The following MFAP2 variants were observed in gnomAD, a reference collection of about 807,000 sequenced individuals.
MFAP2 encodes the protein microfibrillar-associated protein 2.
Under a neutral mutation model 30.6 loss-of-function variants are expected in MFAP2, and 23 were observed. The ratio of observed to expected loss-of-function variants is 0.75; its 90% CI spans 0.54 to 1.07. The LOEUF (loss-of-function observed/expected upper bound fraction) is 1.07, where lower values mean the gene tolerates loss of function less well. Among genes scored for constraint, MFAP2 ranks in the 50% least tolerant of loss-of-function variants. MFAP2 has a pLI of 0.00. For synonymous variants in MFAP2, 73 were observed against 85.7 expected (o/e 0.85, Z 0.82); for missense variants, 198 against 223.8 (o/e 0.88, Z 0.74).
intron 1 of MFAP2, 55 bp downstream of exon 1, chr1:16,980,512 TCGCCCCCGCGCCGGGGGACC>T (rs2076629787): frequency 6.6e-6 from 1 of 151,642 alleles, no homozygotes. Flanking sequence ...CCTGGCACCC[TCGCCCCCGCGCCGGGGGACC>T]CGCCGACGCC....
In MFAP2 at chr1:16,976,282, G is replaced by A; in HGVS notation, c.286+219C>T. 2 of 621,402 alleles carry A rather than the reference G, an allele frequency of 3.2e-6. No individual in the cohort carries two copies. Among genetic ancestry groups the A allele is most frequent in the East Asian group, 2.7e-5 (1 of 36,446 alleles). The allele number at this position is 621,402 out of a possible 1,614,324, so 38.5% of individuals were successfully genotyped here. ...GTGAGGTCAGGGGCCTTCCTAGGCT[G>A]CCAATTTAGCCTCCAGCCAGGCACA... On this transcript the variant is annotated intron_variant, in intron 6 of 8. Transcript: ENST00000375535. This position sits in a 1 kb window ranked among gnomAD's most constrained non-coding sequence, Gnocchi z 5.5.
At chr1:16,978,423 G>A (rs1327749774) in intron 1 of MFAP2, 109 bp from the exon 2 acceptor site, 2 of 898,092 alleles carry the variant, frequency 2.2e-6, no homozygotes, top group African/African-American at 3.4e-5. Context: ...CAGAATAGAA[G>A]CCAGGCATGG....
intron 2 of MFAP2, 28 bp downstream of exon 2, chr1:16,978,209 G>GC (rs1237322547): frequency 6.4e-7 from 1 of 1,559,618 alleles, no homozygotes; most frequent in East Asian, 2.3e-5. Flanking sequence ...CATAAGAGGA[G>GC]CTACCCCCTG....
chr1:16,980,773 G>GC (rs1342497443), upstream of MFAP2: 2 of 152,152 alleles, frequency 1.3e-5, no homozygotes, highest in Admixed American at 6.6e-5. Flanking sequence ...ATCTCCTGGG[G>GC]GGGGGGGTGT....
rs1025611395 is a variant in MFAP2, at chr1:16,975,351, A to G, written c.375-9T>C. The G allele has an allele frequency of 1.9e-6, 3 of 1,613,194 alleles. No individual in the cohort carries two copies. The highest frequency in any genetic ancestry group is 2.5e-6 in the Non-Finnish European group (3 of 1,179,562). On this transcript the variant is annotated splice_polypyrimidine_tract_variant and intron_variant, in intron 7 of 8. Coordinates refer to ENST00000375535, the MANE Select transcript of MFAP2 (RefSeq NM_002403.4). The surrounding 1 kb of genome is among the most constrained non-coding windows in gnomAD (Gnocchi z 5.0). ...CGTACACACGGCGGAGGCTGCGGGGACAGGGCACGGGAGGTCTCAGCCCCA... is the reference window on the plus strand; with the variant it reads ...CGTACACACGGCGGAGGCTGCGGGGGCAGGGCACGGGAGGTCTCAGCCCCA...
chr1:16,979,298 G>A (rs1286765147), intron 1 of MFAP2, among the ~76,000 whole-genome samples: 7 of 152,204 alleles, frequency 4.6e-5, no homozygotes, highest in Admixed American at 4.6e-4. Context: ...CTGTAGGGAG[G>A]GCTGCGAGGG....
chr1:16,977,889 G>C (rs991947091), intron 2 of MFAP2: 6 of 292,180 alleles, frequency 2.1e-5, no homozygotes, highest in African/African-American at 1.3e-4. Context: ...AATGGATCTA[G>C]AACTCAAGCA....
In MFAP2 at chr1:16,975,567, G is replaced by C; in HGVS notation, c.374+76C>G. 3 of 1,471,388 alleles carry C rather than the reference G, an allele frequency of 2.0e-6. No homozygotes were observed. In the South Asian group the frequency reaches 3.5e-5, roughly 17 times the overall value. The allele number at this position is 1,471,388 out of a possible 1,614,324, so 91.1% of individuals were successfully genotyped here. ...TCTTTCCTCCAACTCCCACCTTGGC[G>C]GGCCAGAGCTGTCCCCTGTGCCCTC... On this transcript the variant is annotated intron_variant, in intron 7 of 8. Transcript: ENST00000375535. The surrounding 1 kb of genome is among the most constrained non-coding windows in gnomAD (Gnocchi z 5.0).
intron 1 of MFAP2, among the ~76,000 whole-genome samples, chr1:16,979,789 G>A (rs557669799): frequency 6.6e-6 from 1 of 152,330 alleles, no homozygotes; most frequent in East Asian, 1.9e-4. Context: ...TCCTCCCCTA[G>A]GACTGGCCCC....
chr1:16,974,844 A>G lies in MFAP2; in HGVS notation c.*76T>C. 1 of 560,544 alleles carries G rather than the reference A, an allele frequency of 1.8e-6. No homozygotes were observed. The highest frequency in any genetic ancestry group is 2.9e-5 in the East Asian group (1 of 34,792). 34.7% of individuals were successfully genotyped at this position (560,544 alleles called of 1,614,324 possible). A position where few individuals can be genotyped will look rare whatever the true frequency, so the allele number is the denominator to read the frequency against. Reference sequence around the variant, plus strand: ...GAATAAAAGGAACATGGGGATGGGGAAAAAAGCACCAGGTCAGGCAGGGCC... The same window carrying G: ...GAATAAAAGGAACATGGGGATGGGGGAAAAAGCACCAGGTCAGGCAGGGCC... On this transcript the variant is annotated 3_prime_UTR_variant, in exon 9 of 9. Transcript: ENST00000375535.
intron 2 of MFAP2, 95 bp from the exon 3 acceptor site, chr1:16,977,293 GGCCCATAAGA>G: frequency 8.4e-7 from 1 of 1,186,656 alleles, no homozygotes; most frequent in Non-Finnish European, 1.2e-6. Flanking sequence ...CACAAGGTCA[GGCCCATAAGA>G]GCCTAGGACC....
chr1:16,981,202 C>T (rs1292952855), upstream of MFAP2, among the ~76,000 whole-genome samples: 2 of 152,138 alleles, frequency 1.3e-5, no homozygotes, highest in Non-Finnish European at 2.9e-5. Flanking sequence ...CTTCCGGCCT[C>T]GAAATTTTGG....
intron 1 of MFAP2, among the ~76,000 whole-genome samples, chr1:16,979,328 C>T (rs1422995364): frequency 6.6e-6 from 1 of 152,180 alleles, no homozygotes; most frequent in Non-Finnish European, 1.5e-5. Flanking sequence ...TCCAGGAGGG[C>T]CCCTCCCGGC....
Position 16,975,430 on chromosome 1 carries a change from GACAGAACCTGGCACGGGA to G in MFAP2, c.375-106_375-89del, listed in dbSNP as rs1370847441. 11 of 1,335,888 alleles carry G rather than the reference GACAGAACCTGGCACGGGA, an allele frequency of 8.2e-6. No individual in the cohort carries two copies. The African/African-American group carries it at 2.1e-4, about 26-fold the overall frequency. 82.8% of individuals were successfully genotyped at this position (1,335,888 alleles called of 1,614,324 possible). A position where few individuals can be genotyped will look rare whatever the true frequency, so the allele number is the denominator to read the frequency against. ...AGACAGAACCTGGCACGGGAGCCCG[GACAGAACCTGGCACGGGA>G]GCCCGGACAGAACCTGGCACTGGAG... On this transcript the variant is annotated intron_variant, in intron 7 of 8. Coordinates refer to ENST00000375535, the MANE Select transcript of MFAP2 (RefSeq NM_002403.4). The surrounding 1 kb of genome is among the most constrained non-coding windows in gnomAD (Gnocchi z 5.0).
rs2076591751 is a variant in MFAP2 at position 16,976,410 on chromosome 1, C to T, written c.286+91G>A. On this transcript the variant is annotated intron_variant, in intron 6 of 8. Coordinates refer to ENST00000375535, the MANE Select transcript of MFAP2 (RefSeq NM_002403.4). This position sits in a 1 kb window ranked among gnomAD's most constrained non-coding sequence, Gnocchi z 5.5. Reference sequence around the variant, plus strand: ...TGCCAAGAGCCCACATGGGCAAGGGCCAAAGACCTCCAGCCCACCAGCACC... The same window carrying T: ...TGCCAAGAGCCCACATGGGCAAGGGTCAAAGACCTCCAGCCCACCAGCACC... 1 of 1,543,040 alleles carries T rather than the reference C, an allele frequency of 6.5e-7. No individual in the cohort carries two copies. The highest frequency in any genetic ancestry group is 2.2e-5 in the East Asian group (1 of 44,568).
In MFAP2 at chr1:16,976,931, C is replaced by G. The variant is rs1427810160; in HGVS notation, c.128-8G>C. 6.2e-7 allele frequency: 1 copy of G among 1,613,962 alleles called. No individual in the cohort carries two copies. Among genetic ancestry groups the G allele is most frequent in the African/African-American group, 1.3e-5 (1 of 74,886 alleles). ...CATAGTAGTCTGGGTTGTCTGCAAA[C>G]AAAGATGAAAGTGGAATTGGTGGGA... On this transcript the variant is annotated splice_polypyrimidine_tract_variant and splice_region_variant and intron_variant, in intron 3 of 8. Transcript: ENST00000375535. The surrounding 1 kb of genome is among the most constrained non-coding windows in gnomAD (Gnocchi z 5.5).
At position 16,975,802 on chromosome 1, in the gene MFAP2, G is replaced by A; in HGVS notation, c.287-72C>T. 1 of 1,343,740 alleles carries A rather than the reference G, an allele frequency of 7.4e-7. No individual in the cohort carries two copies. Among genetic ancestry groups the A allele is most frequent in the Admixed American group, 1.9e-5 (1 of 52,414 alleles). 83.2% of individuals were successfully genotyped at this position (1,343,740 alleles called of 1,614,324 possible). The stretch of plus-strand genomic sequence containing the variant: ...CCCCAGCCTCACCCACCTGAGGCTG[G>A]CTCACAGGGCCTAGTCCCCCCTGTA... On this transcript the variant is annotated intron_variant, in intron 6 of 8. Transcript: ENST00000375535. The surrounding 1 kb of genome is among the most constrained non-coding windows in gnomAD (Gnocchi z 5.0).
At chr1:16,981,257 A>G (rs1456690366), upstream of MFAP2, among the ~76,000 whole-genome samples, 1 of 152,164 alleles carries the variant, frequency 6.6e-6, no homozygotes, top group Non-Finnish European at 1.5e-5. Flanking sequence ...TGTTGGGATT[A>G]CAGGCATGAG....
rs1407208479 is a variant in MFAP2 at position 16,975,028 on chromosome 1, T to C, written c.449-5A>G. The C allele has an allele frequency of 7.6e-6, 6 of 791,630 alleles. No homozygotes were observed. The highest frequency in any genetic ancestry group is 1.3e-5 in the Non-Finnish European group (6 of 464,836). The allele number at this position is 791,630 out of a possible 1,614,324, so 49.0% of individuals were successfully genotyped here. A position where few individuals can be genotyped will look rare whatever the true frequency, so the allele number is the denominator to read the frequency against. On this transcript the variant is annotated splice_polypyrimidine_tract_variant and splice_region_variant and intron_variant, in intron 8 of 8. Transcript: ENST00000375535. This position sits in a 1 kb window ranked among gnomAD's most constrained non-coding sequence, Gnocchi z 5.0. ...ACTTGTCCCGACAGAGGTCAGCTATTGGGGGCAGGAAGGAGGCAGGGTCAG... is the reference window on the plus strand; with the variant it reads ...ACTTGTCCCGACAGAGGTCAGCTATCGGGGGCAGGAAGGAGGCAGGGTCAG...
Sources: gnomAD v4.1 joint callset for allele counts (sites outside exome capture counted in the v4.1 genomes callset) on GRCh38, gnomAD v4.1.1 for gene constraint, Gnocchi (gnomAD v3.1) non-coding constraint, MANE v1.5 for transcripts, NCBI Gene and HGNC (gene_info 2026-07-23, HGNC 2026-07-21) for gene names.